Variants in ACOT7 observed in about 807,000 individuals in gnomAD.
The protein encoded by ACOT7 is cytosolic acyl coenzyme A thioester hydrolase.
Under a neutral mutation model 40.2 loss-of-function variants are expected in ACOT7, and 12 were observed. That is an observed-to-expected ratio of 0.30 (90% CI 0.19 to 0.48). ACOT7 has a LOEUF of 0.48. Among genes scored for constraint, ACOT7 ranks in the 20% least tolerant of loss-of-function variants. The probability of loss-of-function intolerance (pLI) is 0.99; values close to 1 mark genes in which losing one functional copy is unlikely to be tolerated. For missense variants in ACOT7, 395 were observed against 530.8 expected, an observed-to-expected ratio of 0.74 and a Z score of 2.51; for synonymous variants, 228 against 219.5, an observed-to-expected ratio of 1.04 and a Z score of -0.34.
chr1:6,326,129 C>T (rs1640791621), intron 5 of ACOT7, among the ~76,000 whole-genome samples: 1 of 152,216 alleles, frequency 6.6e-6, no homozygotes, highest in African/African-American at 2.4e-5. Flanking sequence ...GCACAGAGCA[C>T]GAATGTGCCA....
chr1:6,294,495 A>G lies in ACOT7; in HGVS notation c.829+369T>C, dbSNP rs1421832076. ...TACTGACCCTGCCACTGCCTAAATCATGAATCATTAATTCCGCTCCCAAAA... is the reference window on the plus strand; with the variant it reads ...TACTGACCCTGCCACTGCCTAAATCGTGAATCATTAATTCCGCTCCCAAAA... On this transcript the variant is annotated intron_variant, in intron 7 of 8. Coordinates refer to ENST00000361521, the MANE Select transcript of ACOT7 (RefSeq NM_007274.4). This position sits in a 1 kb window ranked among gnomAD's most constrained non-coding sequence, Gnocchi z 4.6. 1.3e-5 allele frequency among the ~76,000 whole-genome samples: 2 copies of G among 152,208 alleles called. No homozygotes were observed. Among genetic ancestry groups the G allele is most frequent in the Admixed American group, 6.5e-5 (1 of 15,290 alleles).
intron 4 of ACOT7, among the ~76,000 whole-genome samples, chr1:6,328,638 C>T (rs1032822294): frequency 1.3e-4 from 20 of 152,076 alleles, no homozygotes; most frequent in African/African-American, 2.7e-4. Flanking sequence ...GCCGAGATTG[C>T]GCCACTGCAC....
Position 6,311,842 on chromosome 1 carries a change from C to T in ACOT7, c.712+6650G>A, listed in dbSNP as rs970237520. Among the ~76,000 whole-genome samples, 1 of 152,202 alleles carries T rather than the reference C, an allele frequency of 6.6e-6. No homozygotes were observed. The highest frequency in any genetic ancestry group is 2.1e-4 in the South Asian group (1 of 4,832). Reference sequence around the variant, plus strand: ...CGGCAGTGCTGCCCCAGCCTGTCCCCGAGAATTCCCTGGGGAGCTTGGGAC... The same window carrying T: ...CGGCAGTGCTGCCCCAGCCTGTCCCTGAGAATTCCCTGGGGAGCTTGGGAC... On this transcript the variant is annotated intron_variant, in intron 6 of 8. Transcript: ENST00000361521. This position sits in a 1 kb window ranked among gnomAD's most constrained non-coding sequence, Gnocchi z 5.2.
intron 1 of ACOT7, among the ~76,000 whole-genome samples, chr1:6,374,810 C>A (rs1378445663): frequency 1.3e-5 from 2 of 152,206 alleles, no homozygotes; most frequent in Non-Finnish European, 2.9e-5. Flanking sequence ...CATCAGTGAG[C>A]CCCTAGGTCT....
At chr1:6,302,733 C>T (rs754973107) in intron 6 of ACOT7, among the ~76,000 whole-genome samples, 1 of 151,986 alleles carries the variant, frequency 6.6e-6, no homozygotes, top group Non-Finnish European at 1.5e-5. Flanking sequence ...CCTGGGCATC[C>T]TGTTGTAGGG....
intron 5 of ACOT7, among the ~76,000 whole-genome samples, chr1:6,319,200 C>CT (rs571238323): frequency 6.6e-6 from 1 of 152,194 alleles, no homozygotes; most frequent in African/African-American, 2.4e-5. Context: ...GTAGACCTTT[C>CT]TTTTTTTCTT....
In ACOT7 at chr1:6,359,895, G is replaced by A. The variant is rs1641850052; in HGVS notation, c.144-10029C>T. 1.3e-5 allele frequency among the ~76,000 whole-genome samples: 2 copies of A among 152,282 alleles called. No individual in the cohort carries two copies. The highest frequency in any genetic ancestry group is 1.9e-4 in the East Asian group (1 of 5,180). On this transcript the variant is annotated intron_variant, in intron 1 of 8. Transcript: ENST00000361521. The surrounding 1 kb of genome is among the most constrained non-coding windows in gnomAD (Gnocchi z 4.1). ...TTTAGTTGTGAAAGAGAAAGTTAGG[G>A]CAGAGAGGGCTGATTAGGCCACTCC...
At chr1:6,364,213 C>A (rs1641951484) in intron 1 of ACOT7, among the ~76,000 whole-genome samples, 1 of 152,010 alleles carries the variant, frequency 6.6e-6, no homozygotes, top group African/African-American at 2.4e-5. Flanking sequence ...TATTCAACAT[C>A]ATTAGACATT....
chr1:6,338,960 G>T lies in ACOT7; in HGVS notation c.418+473C>A, dbSNP rs1571322122. 6.6e-6 allele frequency among the ~76,000 whole-genome samples: 1 copy of T among 152,162 alleles called. No individual in the cohort carries two copies. The highest frequency in any genetic ancestry group is 2.4e-5 in the African/African-American group (1 of 41,418). ...TATTCAGATGAAAGCAGAGGCAAAGGTTCACCCAGTGAGCTTCCATCTGAG... is the reference window on the plus strand; with the variant it reads ...TATTCAGATGAAAGCAGAGGCAAAGTTTCACCCAGTGAGCTTCCATCTGAG... On this transcript the variant is annotated intron_variant, in intron 3 of 8. Transcript: ENST00000361521. The surrounding 1 kb of genome is among the most constrained non-coding windows in gnomAD (Gnocchi z 4.4).
intron 1 of ACOT7, among the ~76,000 whole-genome samples, chr1:6,388,712 C>A (rs1360044848): frequency 1.5e-5 from 2 of 136,748 alleles, no homozygotes; most frequent in Non-Finnish European, 3.1e-5. Context: ...TGCACTCCAG[C>A]CTGGGTGACA....
At position 6,389,093 on chromosome 1, in the gene ACOT7, T is replaced by TG. The variant is rs1228944666; in HGVS notation, c.143+4163dup. ...TAGAGCCCCTCTTTGTCTTTTCCCT[T>TG]GGGGGAAATAATTCTAACCCCATAA... On this transcript the variant is annotated intron_variant, in intron 1 of 8. Transcript: ENST00000361521. 1.3e-5 allele frequency among the ~76,000 whole-genome samples: 2 copies of TG among 151,982 alleles called. 1 individual carries two copies. The highest frequency in any genetic ancestry group is 6.3e-3 in the Middle Eastern group (2 of 316).
intron 3 of ACOT7, among the ~76,000 whole-genome samples, chr1:6,337,244 G>A (rs1279954222): frequency 6.6e-6 from 1 of 152,218 alleles, no homozygotes; most frequent in African/African-American, 2.4e-5. Flanking sequence ...CAGCTGGGAG[G>A]CCGAGAAGCT....
rs538568067 is a variant in ACOT7 at position 6,320,437 on chromosome 1, G to C, written c.626-1859C>G. Among the ~76,000 whole-genome samples the C allele has an allele frequency of 1.6e-3, 247 of 152,328 alleles. 1 individual carries two copies. The highest frequency in any genetic ancestry group is 5.5e-3 in the African/African-American group (230 of 41,574). On this transcript the variant is annotated intron_variant, in intron 5 of 8. Coordinates refer to ENST00000361521, the MANE Select transcript of ACOT7 (RefSeq NM_007274.4). ...TGAGGTTGATTTCCTGCTAGGTAAAGTCCAAATCAGGCTTTCCTAGTGGGG... is the reference window on the plus strand; with the variant it reads ...TGAGGTTGATTTCCTGCTAGGTAAACTCCAAATCAGGCTTTCCTAGTGGGG...
chr1:6,286,993 A>T (rs1374731262), intron 7 of ACOT7, among the ~76,000 whole-genome samples: 1 of 152,194 alleles, frequency 6.6e-6, no homozygotes, highest in Admixed American at 6.5e-5. Context: ...TCAGCATGTT[A>T]GCCAGGATGG....
rs990804309 is a variant in ACOT7, at chr1:6,359,943, C to A, written c.144-10077G>T. Among the ~76,000 whole-genome samples, 1 of 152,218 alleles carries A rather than the reference C, an allele frequency of 6.6e-6. No homozygotes were observed. The highest frequency in any genetic ancestry group is 1.5e-5 in the Non-Finnish European group (1 of 68,038). On this transcript the variant is annotated intron_variant, in intron 1 of 8. Coordinates refer to ENST00000361521, the MANE Select transcript of ACOT7 (RefSeq NM_007274.4). This position sits in a 1 kb window ranked among gnomAD's most constrained non-coding sequence, Gnocchi z 4.1. Reference sequence around the variant, plus strand: ...TCCCACTGGAACAGCCGGCCCTTATCAAGGCCCTTATCAAACTGCCAGAGC... The same window carrying A: ...TCCCACTGGAACAGCCGGCCCTTATAAAGGCCCTTATCAAACTGCCAGAGC...
chr1:6,295,297 T>G, intron 6 of ACOT7: 2 of 228,590 alleles, frequency 8.7e-6, no homozygotes, highest in Non-Finnish European at 1.7e-5. Context: ...GCTGCAATCC[T>G]GAAGTCACAG....
Position 6,282,621 on chromosome 1 carries a change from G to A in ACOT7, c.830-1335C>T, listed in dbSNP as rs1639387667. The A allele has an allele frequency of 1.1e-6, 1 of 911,910 alleles. No homozygotes were observed. Among genetic ancestry groups the A allele is most frequent in the Admixed American group, 2.3e-5 (1 of 42,712 alleles). The allele number at this position is 911,910 out of a possible 1,614,324, so 56.5% of individuals were successfully genotyped here. A position where few individuals can be genotyped will look rare whatever the true frequency, so the allele number is the denominator to read the frequency against. ...GAGACCCAGAGTGAGAAAGCGGCCAGGTGGTGGCTGTTGGAGGGCGGTTAG... is the reference window on the plus strand; with the variant it reads ...GAGACCCAGAGTGAGAAAGCGGCCAAGTGGTGGCTGTTGGAGGGCGGTTAG... On this transcript the variant is annotated intron_variant, in intron 7 of 8. Transcript: ENST00000361521. The surrounding 1 kb of genome is among the most constrained non-coding windows in gnomAD (Gnocchi z 4.5).
chr1:6,389,112 C>T (rs564090061), intron 1 of ACOT7, among the ~76,000 whole-genome samples: 58 of 151,938 alleles, frequency 3.8e-4, no homozygotes, highest in Non-Finnish European at 6.2e-4. Flanking sequence ...TAATTCTAAC[C>T]CCATAACATA....
At chr1:6,360,588 A>C (rs1306903882) in intron 1 of ACOT7, 1 of 1,614,002 alleles carries the variant, frequency 6.2e-7, no homozygotes, top group Non-Finnish European at 8.5e-7. Flanking sequence ...CTTCTCCCCA[A>C]AACAGGCCCT....
Sources: allele counts gnomAD v4.1 joint callset (sites outside exome capture counted in the v4.1 genomes callset), GRCh38; gene constraint gnomAD v4.1.1; non-coding constraint Gnocchi (gnomAD v3.1); transcripts MANE v1.5; gene names NCBI Gene and HGNC (gene_info 2026-07-23, HGNC 2026-07-21).